TNFSF4: variants seen among roughly 807,000 people sequenced by gnomAD.
TNFSF4 encodes the protein TNF superfamily member 4.
TNFSF4 carries 4 observed loss-of-function variants against 7.3 expected under a neutral mutation model. The ratio of observed to expected loss-of-function variants is 0.55; its 90% CI spans 0.27 to 1.25. The LOEUF (loss-of-function observed/expected upper bound fraction) is 1.25. Among genes scored for constraint, TNFSF4 ranks in the 50% most tolerant of loss-of-function variants. The probability of loss-of-function intolerance (pLI) is 0.12; values close to 1 mark genes in which losing one functional copy is unlikely to be tolerated. For missense variants in TNFSF4, 181 were observed against 208.8 expected (o/e 0.87, Z 0.82); for synonymous variants, 76 against 83.7 (o/e 0.91, Z 0.50).
chr1:173,234,288 G>A, the TNFSF4 span, among the ~76,000 whole-genome samples: 1 of 152,132 alleles, frequency 6.6e-6, no homozygotes, highest in Non-Finnish European at 1.5e-5. Context: ...CATTAAAAAG[G>A]CAGGAAACAA....
chr1:173,325,295 A>C, the TNFSF4 span, among the ~76,000 whole-genome samples: 1 of 152,102 alleles, frequency 6.6e-6, no homozygotes, highest in East Asian at 1.9e-4. Flanking sequence ...AGGCAGAAAT[A>C]AAGATGTTCT....
the TNFSF4 span, among the ~76,000 whole-genome samples, chr1:173,440,258 A>G: frequency 5.3e-5 from 8 of 152,208 alleles, no homozygotes; most frequent in Non-Finnish European, 1.5e-5. Context: ...GGGATCTTCC[A>G]TGACATATTT....
chr1:173,297,245 A>T, the TNFSF4 span, among the ~76,000 whole-genome samples: 1 of 151,908 alleles, frequency 6.6e-6, no homozygotes, highest in Non-Finnish European at 1.5e-5. Context: ...TACACCATCT[A>T]ATGATATGTT....
the TNFSF4 span, among the ~76,000 whole-genome samples, chr1:173,405,783 A>G: frequency 6.6e-6 from 1 of 152,232 alleles, no homozygotes. Context: ...TGCATCTCAC[A>G]TTGTACCTCA....
chr1:173,213,135 T>C, the TNFSF4 span, among the ~76,000 whole-genome samples: 3 of 152,278 alleles, frequency 2.0e-5, no homozygotes, highest in South Asian at 6.2e-4. Flanking sequence ...AAACCTGAAA[T>C]GTACACTTTT....
chr1:173,211,020 A>G (rs2102006955), upstream of TNFSF4, among the ~76,000 whole-genome samples: 1 of 152,374 alleles, frequency 6.6e-6, no homozygotes, highest in South Asian at 2.1e-4. Context: ...CTTGTTCTAA[A>G]ACACACAAAG....
chr1:173,415,365 A>G, the TNFSF4 span, among the ~76,000 whole-genome samples: 1 of 152,228 alleles, frequency 6.6e-6, no homozygotes, highest in Non-Finnish European at 1.5e-5. Context: ...AGCTACAGAG[A>G]AAAGTCAAAG....
chr1:173,177,757 C>G, the TNFSF4 span, among the ~76,000 whole-genome samples: 30 of 151,982 alleles, frequency 2.0e-4, no homozygotes, highest in Non-Finnish European at 3.8e-4. Context: ...AGTAGAGAAA[C>G]TTGTTATTAT....
the TNFSF4 span, among the ~76,000 whole-genome samples, chr1:173,414,037 A>G: frequency 2.2e-4 from 33 of 152,328 alleles, no homozygotes; most frequent in African/African-American, 7.7e-4. Context: ...CAACGTGTGA[A>G]TTGCAGTTAG....
At position 173,186,568 on chromosome 1, in the gene TNFSF4, C is replaced by T. The variant is rs1363668413; in HGVS notation, c.500G>A (p.Gly167Asp). The change falls in exon 3 of 3, where the codon GGC becomes GAC. Residue 167 changes from glycine to aspartate, a missense_variant. Physicochemically the swap from Gly to Asp is moderately conservative, Grantham distance 94. Coordinates refer to ENST00000281834, the MANE Select transcript of TNFSF4 (RefSeq NM_003326.5). ...NTSLDDFHVN[G>D]GELILIHQNP... is the part of the protein sequence containing the mutation. ...TTGATGGATAAGAATCAGTTCTCCGCCATTCACATGGAAGTCATCCAGGGA... is the reference window on the plus strand; with the variant it reads ...TTGATGGATAAGAATCAGTTCTCCGTCATTCACATGGAAGTCATCCAGGGA... 6.2e-7 allele frequency: 1 copy of T among 1,613,992 alleles called. No homozygotes were observed. The highest frequency in any genetic ancestry group is 1.3e-5 in the African/African-American group (1 of 74,912).
the TNFSF4 span, among the ~76,000 whole-genome samples, chr1:173,229,065 A>G: frequency 6.6e-6 from 1 of 152,208 alleles, no homozygotes. Context: ...AATCAAATTC[A>G]GGAAATACAG....
the TNFSF4 span, among the ~76,000 whole-genome samples, chr1:173,239,398 G>A: frequency 5.3e-5 from 8 of 152,270 alleles, no homozygotes; most frequent in East Asian, 3.9e-4. Context: ...CCAGTTAAAC[G>A]CAGGGCATAG....
chr1:173,308,949 T>G, the TNFSF4 span, among the ~76,000 whole-genome samples: 22 of 151,902 alleles, frequency 1.4e-4, no homozygotes. Flanking sequence ...ATCCTTCCAC[T>G]GCATTCCAGT....
chr1:173,321,009 C>CTG, the TNFSF4 span, among the ~76,000 whole-genome samples: 2 of 152,092 alleles, frequency 1.3e-5, no homozygotes, highest in African/African-American at 2.4e-5. Flanking sequence ...AAAAAAGAGC[C>CTG]CATATAGCCA....
chr1:173,198,838 C>T (rs1649822491), intron 1 of TNFSF4, among the ~76,000 whole-genome samples: 1 of 152,158 alleles, frequency 6.6e-6, no homozygotes, highest in Non-Finnish European at 1.5e-5. Context: ...TAATCCTCAA[C>T]CTGTGCTCTG....
the TNFSF4 span, among the ~76,000 whole-genome samples, chr1:173,314,886 G>A: frequency 2.6e-5 from 4 of 152,064 alleles, no homozygotes; most frequent in African/African-American, 7.2e-5. Flanking sequence ...GAAGTACAAT[G>A]GGTATAATGT....
At chr1:173,226,101 C>T in the TNFSF4 span, among the ~76,000 whole-genome samples, 1 of 152,134 alleles carries the variant, frequency 6.6e-6, no homozygotes, top group Non-Finnish European at 1.5e-5. Flanking sequence ...CATAATTTAT[C>T]AGACCTAATT....
the TNFSF4 span, among the ~76,000 whole-genome samples, chr1:173,317,550 C>T: frequency 6.6e-6 from 1 of 152,010 alleles, no homozygotes; most frequent in Non-Finnish European, 1.5e-5. Flanking sequence ...AAGAAAGAAA[C>T]TAGATTTAAA....
At chr1:173,358,480 T>C in the TNFSF4 span, among the ~76,000 whole-genome samples, 1 of 152,224 alleles carries the variant, frequency 6.6e-6, no homozygotes, top group Non-Finnish European at 1.5e-5. Flanking sequence ...TATAAGTTAG[T>C]ACAACCACTT....
Sources: gnomAD v4.1 joint callset for allele counts (sites outside exome capture counted in the v4.1 genomes callset) on GRCh38, gnomAD v4.1.1 for gene constraint, MANE v1.5 for transcripts, NCBI Gene and HGNC (gene_info 2026-07-23, HGNC 2026-07-21) for gene names.